CRTAC1: variants seen among roughly 807,000 people sequenced by gnomAD.
CRTAC1 encodes cartilage acidic protein 1, also known as acidic secreted protein in cartilage.
A neutral mutation model predicts 67.8 loss-of-function variants in CRTAC1; 37 were observed. That is an observed-to-expected ratio of 0.55 (90% CI 0.42 to 0.72). CRTAC1 has a LOEUF of 0.72. Ranked by LOEUF, CRTAC1 falls within the 30% of genes least tolerant of loss-of-function variation. The pLI, the probability that CRTAC1 is intolerant of heterozygous loss-of-function variation, is 0.00. For missense variants in CRTAC1, 780 were observed against 931.6 expected (o/e 0.84, Z 2.12); for synonymous variants, 348 against 371.0 (o/e 0.94, Z 0.71).
At chr10:97,962,160 G>C (rs747634315) in intron 2 of CRTAC1, among the ~76,000 whole-genome samples, 2 of 152,158 alleles carry the variant, frequency 1.3e-5, no homozygotes, top group African/African-American at 4.8e-5. Flanking sequence ...CTCAGGTCAC[G>C]AGGGTTGGGG....
At chr10:97,924,552 C>T (rs2050886672) in intron 3 of CRTAC1, among the ~76,000 whole-genome samples, 1 of 152,164 alleles carries the variant, frequency 6.6e-6, no homozygotes, top group African/African-American at 2.4e-5. Context: ...GTTGGTTCTG[C>T]TTGGATTCTA....
intron 2 of CRTAC1, among the ~76,000 whole-genome samples, chr10:97,947,917 A>G (rs2051290293): frequency 6.6e-6 from 1 of 152,098 alleles, no homozygotes; most frequent in African/African-American, 2.4e-5. Flanking sequence ...AATAATTAAG[A>G]AATAGATGAA....
At chr10:97,923,116 T>C in intron 4 of CRTAC1, 148 bp downstream of exon 4, 1 of 838,904 alleles carries the variant, frequency 1.2e-6, no homozygotes, top group Non-Finnish European at 1.8e-6. Flanking sequence ...AGGAATGCAT[T>C]CTGCAAGTCT....
chr10:97,896,504 CCAGTGCT>C (rs1431408373), intron 9 of CRTAC1, among the ~76,000 whole-genome samples: 2 of 152,108 alleles, frequency 1.3e-5, no homozygotes, highest in African/African-American at 2.4e-5. Flanking sequence ...GACCCCTGGC[CCAGTGCT>C]CTGTCTGACA....
At chr10:97,958,703 G>A (rs1015097255) in intron 2 of CRTAC1, among the ~76,000 whole-genome samples, 22 of 152,246 alleles carry the variant, frequency 1.4e-4, no homozygotes, top group African/African-American at 5.3e-4. Context: ...GTGACTGGCT[G>A]GTGGCCAACC....
chr10:97,869,460 T>C (rs2050066452), intron 14 of CRTAC1: 1 of 152,692 alleles, frequency 6.5e-6, no homozygotes, highest in South Asian at 2.1e-4. Context: ...TCAGCCAGAC[T>C]GTCCCCGAGG....
rs534921420 is a variant in CRTAC1, at chr10:97,905,642, G to A, written c.851-828C>T. 3.8e-3 allele frequency among the ~76,000 whole-genome samples: 572 copies of A among 152,304 alleles called. 1 individual carries two copies. The highest frequency in any genetic ancestry group is 6.0e-3 in the Non-Finnish European group (410 of 68,022). ...CTCTTCTTGGTTCACCTGGGTACAC[G>A]CAGCATCTATCTCAGGGCCTGTGGT... On this transcript the variant is annotated intron_variant, in intron 6 of 14. Transcript: ENST00000370597.
At position 98,030,386 on chromosome 10, in the gene CRTAC1, G is replaced by A. The variant is rs574072631; in HGVS notation, c.24+63C>T. 6.6e-6 allele frequency: 7 copies of A among 1,058,780 alleles called. No homozygotes were observed. Among genetic ancestry groups the A allele is most frequent in the Non-Finnish European group, 8.6e-6 (7 of 815,624 alleles). 65.6% of individuals were successfully genotyped at this position (1,058,780 alleles called of 1,614,324 possible). A position where few individuals can be genotyped will look rare whatever the true frequency, so the allele number is the denominator to read the frequency against. On this transcript the variant is annotated intron_variant, in intron 1 of 14. Coordinates refer to ENST00000370597, the MANE Select transcript of CRTAC1 (RefSeq NM_018058.7). The surrounding 1 kb of genome is among the most constrained non-coding windows in gnomAD (Gnocchi z 4.2). ...CCACCCTTGCGGGCGGATCCGGGGG[G>A]GCGCGCAGAGCTGGAGAAACTTTCT...
intron 1 of CRTAC1, among the ~76,000 whole-genome samples, chr10:98,012,686 T>G (rs1842931128): frequency 6.6e-6 from 1 of 152,068 alleles, no homozygotes. Context: ...GAGACCAAAA[T>G]GAAGGGGCTG....
chr10:97,978,298 A>G (rs2051838383), intron 2 of CRTAC1, among the ~76,000 whole-genome samples: 1 of 152,156 alleles, frequency 6.6e-6, no homozygotes, highest in Non-Finnish European at 1.5e-5. Flanking sequence ...GGAGTGCTTC[A>G]GAAGCACTGC....
At position 98,002,761 on chromosome 10, in the gene CRTAC1, CTTTTTTTTTTTTTTTTTTT is replaced by C. The variant is rs531021933; in HGVS notation, c.224+8358_224+8376del. The stretch of plus-strand genomic sequence containing the variant: ...TTTTAGGAATTCTTTACAAAACTCA[CTTTTTTTTTTTTTTTTTTT>C]TTTTTTTTTTTTTTTTTTGAGAGAG... On this transcript the variant is annotated intron_variant, in intron 2 of 14. Coordinates refer to ENST00000370597, the MANE Select transcript of CRTAC1 (RefSeq NM_018058.7). Among the ~76,000 whole-genome samples, 118 of 37,292 alleles carry C rather than the reference CTTTTTTTTTTTTTTTTTTT, an allele frequency of 3.2e-3. 3 individuals carry two copies. The highest frequency in any genetic ancestry group is 7.0e-3 in the South Asian group (5 of 716). 24.5% of individuals were successfully genotyped at this position (37,292 alleles called of 152,430 possible). A position where few individuals can be genotyped will look rare whatever the true frequency, so the allele number is the denominator to read the frequency against.
chr10:97,912,661 A>G (rs1203700658), intron 5 of CRTAC1, among the ~76,000 whole-genome samples: 2 of 152,136 alleles, frequency 1.3e-5, no homozygotes, highest in Admixed American at 6.5e-5. Context: ...GAACTTCTCC[A>G]AGCTGTGGGT....
At chr10:97,867,104 C>T (rs1040760000) in intron 14 of CRTAC1, 4 of 152,262 alleles carry the variant, frequency 2.6e-5, no homozygotes, top group Non-Finnish European at 5.9e-5. Flanking sequence ...CTCCCCATGA[C>T]AAGACAACGG....
chr10:97,891,721 C>T (rs377750616), intron 11 of CRTAC1, among the ~76,000 whole-genome samples: 1 of 152,226 alleles, frequency 6.6e-6, no homozygotes, highest in East Asian at 1.9e-4. Flanking sequence ...CTCCATCTGG[C>T]CTTCTCCACT....
chr10:97,879,860 C>CCG, intron 14 of CRTAC1: 1 of 213,274 alleles, frequency 4.7e-6, no homozygotes, highest in Non-Finnish European at 8.7e-6. Flanking sequence ...GGGGTGGGGA[C>CCG]GGGGTGGGGG....
chr10:97,873,599 G>C (rs568881400), intron 14 of CRTAC1, among the ~76,000 whole-genome samples: 2 of 152,316 alleles, frequency 1.3e-5, no homozygotes, highest in East Asian at 3.9e-4. Context: ...GTCTGGGGTG[G>C]AGGGAGGGAA....
rs1028520366 is a variant in CRTAC1 at position 97,983,410 on chromosome 10, T to C, written c.224+27728A>G. ...CATTTCAATTTTTTATGACAAGAGA[T>C]AGAAAAAGAATGTTTGACAGAAATG... On this transcript the variant is annotated intron_variant, in intron 2 of 14. Transcript: ENST00000370597. Among the ~76,000 whole-genome samples the C allele has an allele frequency of 2.0e-5, 3 of 151,686 alleles. 1 individual carries two copies. Among genetic ancestry groups the C allele is most frequent in the African/African-American group, 7.3e-5 (3 of 41,020 alleles).
chr10:97,890,699 C>T (rs550835427), intron 11 of CRTAC1, among the ~76,000 whole-genome samples: 3 of 148,160 alleles, frequency 2.0e-5, no homozygotes, highest in African/African-American at 7.5e-5. Flanking sequence ...CGGAGTTTCG[C>T]TTTTGTTGCC....
chr10:97,911,926 C>T (rs1463140168), intron 5 of CRTAC1, among the ~76,000 whole-genome samples: 1 of 152,166 alleles, frequency 6.6e-6, no homozygotes, highest in African/African-American at 2.4e-5. Context: ...TTAACTCCAC[C>T]TTGCATCAAT....
Sources: gnomAD v4.1 joint callset for allele counts (sites outside exome capture counted in the v4.1 genomes callset) on GRCh38, gnomAD v4.1.1 for gene constraint, Gnocchi (gnomAD v3.1) non-coding constraint, MANE v1.5 for transcripts, NCBI Gene and HGNC (gene_info 2026-07-23, HGNC 2026-07-21) for gene names.